The following CPQ variants were observed in gnomAD, a reference collection of about 807,000 sequenced individuals.
CPQ encodes the protein carboxypeptidase Q.
CPQ carries 37 observed loss-of-function variants against 45.7 expected under a neutral mutation model. That is an observed-to-expected ratio of 0.81 (90% CI 0.62 to 1.07). CPQ has a LOEUF of 1.07. Among genes scored for constraint, CPQ ranks in the 50% least tolerant of loss-of-function variants. The pLI, the probability that CPQ is intolerant of heterozygous loss-of-function variation, is 0.00. For missense variants in CPQ, 537 were observed against 572.9 expected (o/e 0.94, Z 0.64); for synonymous variants, 186 against 205.8 (o/e 0.90, Z 0.82).
chr8:96,877,604 A>C (rs948597587), intron 3 of CPQ, among the ~76,000 whole-genome samples: 2 of 152,272 alleles, frequency 1.3e-5, no homozygotes, highest in African/African-American at 4.8e-5. Context: ...TTAACACCAA[A>C]GAAGTAATAA....
chr8:96,909,991 G>A (rs182590148), intron 4 of CPQ, among the ~76,000 whole-genome samples: 64 of 152,266 alleles, frequency 4.2e-4, no homozygotes, highest in African/African-American at 1.5e-3. Flanking sequence ...TTTGGAGTCA[G>A]CAGAACAGGT....
chr8:97,067,604 C>T (rs1810661794), intron 7 of CPQ, among the ~76,000 whole-genome samples: 2 of 152,102 alleles, frequency 1.3e-5, no homozygotes, highest in Non-Finnish European at 2.9e-5. Flanking sequence ...CTTATTCTTG[C>T]AATACTGCAG....
chr8:96,926,246 A>G (rs1812871971), intron 4 of CPQ, among the ~76,000 whole-genome samples: 1 of 152,174 alleles, frequency 6.6e-6, no homozygotes, highest in Non-Finnish European at 1.5e-5. Flanking sequence ...TAATACTGAC[A>G]TGGAACTTAT....
chr8:96,685,807 A>C (rs1377158936), intron 1 of CPQ, among the ~76,000 whole-genome samples: 1 of 152,164 alleles, frequency 6.6e-6, no homozygotes, highest in African/African-American at 2.4e-5. Flanking sequence ...TTTATAGAAT[A>C]AGTCAGGTAG....
At chr8:96,862,088 T>C (rs1459914017) in intron 3 of CPQ, among the ~76,000 whole-genome samples, 1 of 152,038 alleles carries the variant, frequency 6.6e-6, no homozygotes, top group East Asian at 1.9e-4. Context: ...GACAGCTTGT[T>C]TGATGACTAG....
intron 1 of CPQ, among the ~76,000 whole-genome samples, chr8:96,685,142 A>AAAACAAAAAACAAAAAT (rs1375162487): frequency 2.0e-5 from 3 of 150,656 alleles, no homozygotes; most frequent in African/African-American, 7.3e-5. Context: ...AAAACAAAAA[A>AAAACAAAAAACAAAAAT]CAGAGTTAGC....
At chr8:97,136,248 AAGGCAGTCATATAGACT>A (rs1311590056) in intron 7 of CPQ, among the ~76,000 whole-genome samples, 1 of 152,214 alleles carries the variant, frequency 6.6e-6, no homozygotes, top group Non-Finnish European at 1.5e-5. Context: ...AACCAGGGTC[AAGGCAGTCATATAGACT>A]AGAATCACAG....
At chr8:96,826,687 G>A (rs1042884507) in intron 2 of CPQ, among the ~76,000 whole-genome samples, 1 of 151,720 alleles carries the variant, frequency 6.6e-6, no homozygotes, top group East Asian at 2.0e-4. Context: ...ATAGGTAAAC[G>A]TGTGCCATGG....
At chr8:97,043,107 A>T (rs1280911803) in intron 6 of CPQ, among the ~76,000 whole-genome samples, 1 of 151,948 alleles carries the variant, frequency 6.6e-6, no homozygotes, top group African/African-American at 2.4e-5. Flanking sequence ...CCCATTATTA[A>T]TGTGTGGGAG....
intron 1 of CPQ, among the ~76,000 whole-genome samples, chr8:96,684,179 AT>A (rs1373506884): frequency 3.9e-5 from 6 of 152,168 alleles, no homozygotes; most frequent in Non-Finnish European, 8.8e-5. Flanking sequence ...GATTTTATGC[AT>A]TGGCTTTCAT....
intron 1 of CPQ, among the ~76,000 whole-genome samples, chr8:96,744,276 AG>A (rs1257202419): frequency 2.3e-4 from 35 of 152,362 alleles, no homozygotes; most frequent in African/African-American, 7.7e-4. Context: ...TGACTAGGAA[AG>A]GGAACTCCCT....
At position 96,817,153 on chromosome 8, in the gene CPQ, G is replaced by T. The variant is rs1182339423; in HGVS notation, c.434-17820G>T. 2.0e-5 allele frequency among the ~76,000 whole-genome samples: 3 copies of T among 152,224 alleles called. No individual in the cohort carries two copies. In the East Asian group the frequency reaches 5.8e-4, roughly 30 times the overall value. ...GCTGTTTTGTCTACATTGAAAATCT[G>T]TTGTTCAGCGTAGTGACATACCTCA... On this transcript the variant is annotated intron_variant, in intron 2 of 7. Transcript: ENST00000220763.
intron 2 of CPQ, among the ~76,000 whole-genome samples, chr8:96,787,834 G>T (rs1221249470): frequency 6.6e-6 from 1 of 150,536 alleles, no homozygotes; most frequent in Admixed American, 6.7e-5. Context: ...CATGTAATTT[G>T]TTGGTATACA....
chr8:96,972,051 CA>C (rs953076476), intron 5 of CPQ, among the ~76,000 whole-genome samples: 2 of 151,818 alleles, frequency 1.3e-5, no homozygotes, highest in African/African-American at 4.8e-5. Flanking sequence ...CCTGAGATGC[CA>C]AAAAAAACTA....
At chr8:96,694,548 T>C (rs540240592) in intron 1 of CPQ, among the ~76,000 whole-genome samples, 1 of 152,218 alleles carries the variant, frequency 6.6e-6, no homozygotes, top group African/African-American at 2.4e-5. Flanking sequence ...TTAAAACCTT[T>C]GAAAGAACAG....
intron 1 of CPQ, among the ~76,000 whole-genome samples, chr8:96,657,740 C>T (rs973039929): frequency 6.6e-6 from 1 of 152,196 alleles, no homozygotes. Flanking sequence ...ATTCCAGAGT[C>T]CTTCTTACTC....
At chr8:96,672,778 A>G in intron 1 of CPQ, among the ~76,000 whole-genome samples, 1 of 152,094 alleles carries the variant, frequency 6.6e-6, no homozygotes, top group East Asian at 1.9e-4. Context: ...ACTCTGTCTC[A>G]ATTTAAAAAA....
intron 1 of CPQ, among the ~76,000 whole-genome samples, chr8:96,735,752 C>A (rs745865333): frequency 3.3e-5 from 5 of 152,126 alleles, no homozygotes; most frequent in Non-Finnish European, 7.4e-5. Flanking sequence ...CTTCTTGTCC[C>A]AGATCTTTCA....
In CPQ at chr8:96,946,894, C is replaced by T. The variant is rs139937642; in HGVS notation, c.850-19041C>T. 2.1e-3 allele frequency among the ~76,000 whole-genome samples: 325 copies of T among 152,190 alleles called. 2 individuals are homozygous for T. Among genetic ancestry groups the T allele is most frequent in the African/African-American group, 7.5e-3 (312 of 41,528 alleles). Reference sequence around the variant, plus strand: ...TTTCTTGGAAAGACCGTTTTCTGGCCGCTGAGGTCTCTGCCACTATCTGTC... The same window carrying T: ...TTTCTTGGAAAGACCGTTTTCTGGCTGCTGAGGTCTCTGCCACTATCTGTC... On this transcript the variant is annotated intron_variant, in intron 4 of 7. Transcript: ENST00000220763.
Sources: allele counts gnomAD v4.1 joint callset (sites outside exome capture counted in the v4.1 genomes callset), GRCh38; gene constraint gnomAD v4.1.1; transcripts MANE v1.5; gene names NCBI Gene and HGNC (gene_info 2026-07-23, HGNC 2026-07-21).